Variants in HDAC10 observed in about 807,000 individuals in gnomAD.
HDAC10 encodes polyamine deacetylase HDAC10.
Under a neutral mutation model 82.3 loss-of-function variants are expected in HDAC10, and 90 were observed. The observed-to-expected ratio is 1.09, with a 90% CI of 0.92 to 1.30. The LOEUF is 1.30. Among genes scored for constraint, HDAC10 ranks in the 50% most tolerant of loss-of-function variants. The pLI, the probability that HDAC10 is intolerant of heterozygous loss-of-function variation, is 0.00. For missense variants in HDAC10, 934 were observed against 876.3 expected (o/e 1.07, Z -0.83); for synonymous variants, 456 against 391.7 (o/e 1.16, Z -1.94).
In HDAC10 at chr22:50,250,136, C is replaced by T; in HGVS notation, c.316G>A (p.Ala106Thr). ...HPSTFHCARLAAGAGLQLVDA... is the reference protein window; with the variant it reads ...HPSTFHCARLTAGAGLQLVDA... Reference sequence around the variant, plus strand: ...ACCAGCTGCAGTCCAGCCCCTGCGGCCAGCCGCGCGCAGTGAAAGGTACTC... The same window carrying T: ...ACCAGCTGCAGTCCAGCCCCTGCGGTCAGCCGCGCGCAGTGAAAGGTACTC... Residue 106 changes from alanine to threonine, a missense_variant, in exon 4 of 20, where the codon GCC (alanine) becomes ACC (threonine). Coordinates refer to ENST00000216271, the MANE Select transcript of HDAC10 (RefSeq NM_032019.6). 6.2e-7 allele frequency: 1 copy of T among 1,612,566 alleles called. No homozygotes were observed. Among genetic ancestry groups the T allele is most frequent in the Non-Finnish European group, 8.5e-7 (1 of 1,179,934 alleles).
Position 50,248,403 on chromosome 22 carries a change from C to G in HDAC10, c.976G>C (p.Ala326Pro). ...MTVQTLLGDP[A>P]PPLSGPMAPC... ...GCCATTGGCCCTGACAGGGGTGGGGCCGGGTCACCCAGCAGCGTCTGTACT... is the reference window on the plus strand; with the variant it reads ...GCCATTGGCCCTGACAGGGGTGGGGGCGGGTCACCCAGCAGCGTCTGTACT... The change falls in exon 11 of 20, where the codon GCC (alanine) becomes CCC (proline). Residue 326 changes from alanine to proline, a missense_variant. Coordinates refer to ENST00000216271, the MANE Select transcript of HDAC10 (RefSeq NM_032019.6). This position sits in a 1 kb window ranked among gnomAD's most constrained non-coding sequence, Gnocchi z 5.4. The G allele has an allele frequency of 6.2e-7, 1 of 1,609,348 alleles. No homozygotes were observed. Among genetic ancestry groups the G allele is most frequent in the Non-Finnish European group, 8.5e-7 (1 of 1,179,928 alleles).
Position 50,246,704 on chromosome 22 carries a change from G to C in HDAC10, c.1546C>G (p.Arg516Gly). The C allele has an allele frequency of 6.2e-7, 1 of 1,611,884 alleles. No homozygotes were observed. Among genetic ancestry groups the C allele is most frequent in the Admixed American group, 1.7e-5 (1 of 60,014 alleles). ...LLCVALGQLD[R>G]PPDLAHDGRS... ...CCGTCATGGGCGAGGTCTGGAGGCC[G>C]GTCCAGCTGTCCCAGGGCCACGCAC... Residue 516 changes from arginine (R) to glycine (G), a missense_variant, in exon 16 of 20, where the codon CGG becomes GGG. Physicochemically the swap from Arg to Gly is moderately radical, Grantham distance 125. Coordinates refer to ENST00000216271, the MANE Select transcript of HDAC10 (RefSeq NM_032019.6).
At chr22:50,250,319 A>G (rs1601631404) in intron 3 of HDAC10, 108 bp downstream of exon 3, 1 of 1,242,088 alleles carries the variant, frequency 8.1e-7, no homozygotes. Flanking sequence ...GGGCAATGTC[A>G]TGTGTATGGA....
At position 50,245,466 on chromosome 22, in the gene HDAC10, G is replaced by T; in HGVS notation, c.*41C>A. ...CGCGGCCGCGGGGCGCTGGCGTGCG[G>T]TGTCATTTCTGCGGTGTAAATGCTC... is the stretch of plus-strand genomic sequence containing the variant. On this transcript the variant is annotated 3_prime_UTR_variant, in exon 20 of 20. Transcript: ENST00000216271. 1 of 771,446 alleles carries T rather than the reference G, an allele frequency of 1.3e-6. No individual in the cohort carries two copies. The highest frequency in any genetic ancestry group is 2.4e-6 in the Non-Finnish European group (1 of 422,052). The allele number at this position is 771,446 out of a possible 1,614,324, so 47.8% of individuals were successfully genotyped here.
Position 50,245,923 on chromosome 22 carries a change from G to A in HDAC10, c.1820C>T (p.Ala607Val). 2 of 1,580,978 alleles carry A rather than the reference G, an allele frequency of 1.3e-6. No individual in the cohort carries two copies. Among genetic ancestry groups the A allele is most frequent in the East Asian group, 2.3e-5 (1 of 42,840 alleles). Residue 607 changes from alanine (A) to valine (V), a missense_variant, in exon 18 of 20, where the codon GCC (alanine) becomes GTC (valine). Coordinates refer to ENST00000216271, the MANE Select transcript of HDAC10 (RefSeq NM_032019.6). ...LRGLAGGRVL[A>V]LLEENSTPQL... ...TGCCCAGCTTACCTCCTCCAGGAGG[G>A]CCAGGACTCGGCCCCCTGCCAGCCC...
rs767173274 is a variant in HDAC10, at chr22:50,249,833, C to A, written c.494+27G>T. ...CCCCTTGCTGTGTGGCCTGGGCCCA[C>A]CCCCCTGCAGCCAGCCTGGCACACA... is the stretch of plus-strand genomic sequence containing the variant. On this transcript the variant is annotated intron_variant, in intron 5 of 19. Coordinates refer to ENST00000216271, the MANE Select transcript of HDAC10 (RefSeq NM_032019.6). The surrounding 1 kb of genome is among the most constrained non-coding windows in gnomAD (Gnocchi z 4.4). 4.4e-6 allele frequency: 7 copies of A among 1,602,032 alleles called. No homozygotes were observed. Among genetic ancestry groups the A allele is most frequent in the African/African-American group, 1.3e-5 (1 of 74,656 alleles).
Position 50,249,786 on chromosome 22 carries a change from G to T in HDAC10, c.494+74C>A. On this transcript the variant is annotated intron_variant, in intron 5 of 19. Transcript: ENST00000216271. The surrounding 1 kb of genome is among the most constrained non-coding windows in gnomAD (Gnocchi z 4.4). ...GCCAGGGATGGGAAGGTGCTGGCTG[G>T]GTTCTCTCGCCTCCTGCGCTGCCCC... is the stretch of plus-strand genomic sequence containing the variant. 6.2e-7 allele frequency: 1 copy of T among 1,604,126 alleles called. No individual in the cohort carries two copies. Among genetic ancestry groups the T allele is most frequent in the Non-Finnish European group, 8.5e-7 (1 of 1,173,980 alleles).
chr22:50,251,044 G>A lies in HDAC10; in HGVS notation c.-12C>T, dbSNP rs777748569. Reference sequence around the variant, plus strand: ...AGCGCGGTCCCCATGGCTGCGCCGTGGTCACCCTGGGTTCCCAAACGCCCT... The same window carrying A: ...AGCGCGGTCCCCATGGCTGCGCCGTAGTCACCCTGGGTTCCCAAACGCCCT... On this transcript the variant is annotated 5_prime_UTR_variant, in exon 1 of 20. Transcript: ENST00000216271. The A allele has an allele frequency of 3.1e-6, 5 of 1,607,152 alleles. No individual in the cohort carries two copies. The African/African-American group carries it at 6.7e-5, about 21-fold the overall frequency.
chr22:50,248,910 G>A lies in HDAC10; in HGVS notation c.757-20C>T, dbSNP rs375383893. The A allele has an allele frequency of 9.3e-6, 15 of 1,607,294 alleles. No homozygotes were observed. The highest frequency in any genetic ancestry group is 1.3e-5 in the Non-Finnish European group (15 of 1,177,458). ...GTCAAACTACAGGCCAGGCCGGAGT[G>A]GGGAGGGTCGACAGAGAGGGGCTGG... On this transcript the variant is annotated intron_variant, in intron 8 of 19. Coordinates refer to ENST00000216271, the MANE Select transcript of HDAC10 (RefSeq NM_032019.6). The surrounding 1 kb of genome is among the most constrained non-coding windows in gnomAD (Gnocchi z 5.4).
Position 50,248,832 on chromosome 22 carries a change from T to G in HDAC10, c.815A>C (p.Glu272Ala). The change falls in exon 9 of 20, where the codon GAG (glutamate) becomes GCG (alanine). Residue 272 changes from glutamate to alanine, a missense_variant and splice_region_variant. By Grantham distance (107) the Glu-to-Ala change is moderately radical. Coordinates refer to ENST00000216271, the MANE Select transcript of HDAC10 (RefSeq NM_032019.6). This position sits in a 1 kb window ranked among gnomAD's most constrained non-coding sequence, Gnocchi z 5.4. The stretch of plus-strand genomic sequence containing the variant: ...TCCCTGGCAAGGCAAGGCCCTCACC[T>G]CAGGGTCCCCGATGGCTGAGTCAAA... ...AGFDSAIGDP[E>A]GQMQATPECF... is the part of the protein sequence containing the mutation. 6.2e-7 allele frequency: 1 copy of G among 1,610,638 alleles called. No individual in the cohort carries two copies. Among genetic ancestry groups the G allele is most frequent in the Non-Finnish European group, 8.5e-7 (1 of 1,179,040 alleles).
chr22:50,250,121 G>C lies in HDAC10; in HGVS notation c.331C>G (p.Leu111Val). The change falls in exon 4 of 20, where the codon CTG (leucine) becomes GTG (valine). Residue 111 changes from leucine to valine, a missense_variant. Leu to Val is a conservative substitution (Grantham distance 32). Coordinates refer to ENST00000216271, the MANE Select transcript of HDAC10 (RefSeq NM_032019.6). ...HCARLAAGAG[L>V]QLVDAVLTGA... is the part of the protein sequence containing the mutation. ...GTGAGCACAGCGTCCACCAGCTGCA[G>C]TCCAGCCCCTGCGGCCAGCCGCGCG... 2 of 1,612,704 alleles carry C rather than the reference G, an allele frequency of 1.2e-6. No individual in the cohort carries two copies. The highest frequency in any genetic ancestry group is 2.2e-5 in the East Asian group (1 of 44,874).
intron 2 of HDAC10, 120 bp from the exon 3 acceptor site, chr22:50,250,643 C>A: frequency 7.5e-7 from 1 of 1,327,076 alleles, no homozygotes; most frequent in South Asian, 1.3e-5. Flanking sequence ...AGCCTGTGAG[C>A]CCACCCGAGG....
At position 50,249,587 on chromosome 22, in the gene HDAC10, C is replaced by A; in HGVS notation, c.563+48G>T. 1 of 1,611,040 alleles carries A rather than the reference C, an allele frequency of 6.2e-7. No homozygotes were observed. The highest frequency in any genetic ancestry group is 8.5e-7 in the Non-Finnish European group (1 of 1,178,552). ...GATTTTCCCAGGCCAGGCTGTGCAC[C>A]CAAAAACTGGGGCTGCAGGGAAGGG... On this transcript the variant is annotated intron_variant, in intron 6 of 19. Coordinates refer to ENST00000216271, the MANE Select transcript of HDAC10 (RefSeq NM_032019.6). The surrounding 1 kb of genome is among the most constrained non-coding windows in gnomAD (Gnocchi z 4.4).
In HDAC10 at chr22:50,248,206, A is replaced by G. The variant is rs1378070755; in HGVS notation, c.1081+19T>C. 1.9e-6 allele frequency: 3 copies of G among 1,608,644 alleles called. No individual in the cohort carries two copies. Among genetic ancestry groups the G allele is most frequent in the Non-Finnish European group, 2.5e-6 (3 of 1,178,118 alleles). ...AGCCCGAGGTGGGATCCTGCAGCCT[A>G]GCACCCGGCCACACTGACCTTGCTG... On this transcript the variant is annotated intron_variant, in intron 12 of 19. Transcript: ENST00000216271. The surrounding 1 kb of genome is among the most constrained non-coding windows in gnomAD (Gnocchi z 5.4).
In HDAC10 at chr22:50,250,427, C is replaced by A. The variant is rs763302996; in HGVS notation, c.291G>T (p.Pro97=). ...GGTGAGTGTGTCCGGGGACACGCAC[C>A]GGGTGGAAGTAGATGGCGTCGAACT... The part of the protein sequence containing the change: ...SGQFDAIYFH[P]STFHCARLAA... Residue 97 remains proline (P), a splice_region_variant and synonymous_variant, in exon 3 of 20, where the codon CCG becomes CCT. Transcript: ENST00000216271. The A allele has an allele frequency of 6.2e-7, 1 of 1,612,670 alleles. No homozygotes were observed. The highest frequency in any genetic ancestry group is 8.5e-7 in the Non-Finnish European group (1 of 1,179,714).
Position 50,245,320 on chromosome 22 carries a change from C to CG in HDAC10, c.*186dup. The CG allele has an allele frequency of 1.9e-6, 1 of 526,052 alleles. No individual in the cohort carries two copies. Among genetic ancestry groups the CG allele is most frequent in the Non-Finnish European group, 3.3e-6 (1 of 304,868 alleles). 32.6% of individuals were successfully genotyped at this position (526,052 alleles called of 1,614,324 possible). On this transcript the variant is annotated 3_prime_UTR_variant, in exon 20 of 20. Transcript: ENST00000216271. The stretch of plus-strand genomic sequence containing the variant: ...CGGGGCGCGATGGGTGGGGCGGGGG[C>CG]GAGGTGAGGTGAGGGGTGGAGCGGG...
intron 15 of HDAC10, 34 bp downstream of exon 15, chr22:50,246,841 C>T (rs370233340): frequency 2.8e-5 from 44 of 1,596,652 alleles, no homozygotes; most frequent in Admixed American, 5.0e-5. Context: ...CAGGTCCTGC[C>T]GTCAGAGGCT....
At chr22:50,250,336 G>C (rs980510010) in intron 3 of HDAC10, 91 bp downstream of exon 3, 34 of 1,311,076 alleles carry the variant, frequency 2.6e-5, no homozygotes, top group Non-Finnish European at 3.4e-5. Flanking sequence ...TGGACCAGGG[G>C]ACACTGGCTG....
At chr22:50,246,502 G>A in intron 16 of HDAC10, 126 bp from the exon 17 acceptor site, 5 of 1,026,550 alleles carry the variant, frequency 4.9e-6, no homozygotes, top group Non-Finnish European at 5.9e-6. Context: ...GAGCCTCTGT[G>A]CTGGAGACCC....
Sources: gnomAD v4.1 joint callset for allele counts on GRCh38, gnomAD v4.1.1 for gene constraint, Gnocchi (gnomAD v3.1) non-coding constraint, MANE v1.5 for transcripts, NCBI Gene and HGNC (gene_info 2026-07-23, HGNC 2026-07-21) for gene names.